Variants in TMEM108 observed in about 807,000 individuals in gnomAD.
TMEM108 encodes cancer/testis antigen 124.
Under a neutral mutation model 35.1 loss-of-function variants are expected in TMEM108, and 12 were observed. The ratio of observed to expected loss-of-function variants is 0.34; its 90% CI spans 0.22 to 0.55. The LOEUF is 0.55. Ranked by LOEUF, TMEM108 falls within the 20% of genes least tolerant of loss-of-function variation. TMEM108 has a pLI of 0.89. For synonymous variants in TMEM108, 287 were observed against 308.6 expected, an observed-to-expected ratio of 0.93 and a Z score of 0.73; for missense variants, 680 against 753.3, an observed-to-expected ratio of 0.90 and a Z score of 1.14.
intron 1 of TMEM108, among the ~76,000 whole-genome samples, chr3:133,043,663 A>G (rs1199747045): frequency 6.6e-6 from 1 of 151,966 alleles, no homozygotes; most frequent in Non-Finnish European, 1.5e-5. Flanking sequence ...TTCCCTTCTA[A>G]TTCATGACTT....
chr3:133,338,555 T>C (rs78764966), intron 3 of TMEM108, among the ~76,000 whole-genome samples: 1,897 of 152,138 alleles, frequency 0.012, 16 homozygotes, highest in South Asian at 0.024. Context: ...AAATGCTAAA[T>C]ACAGTTCTTC....
At chr3:133,159,545 G>A (rs1302788318) in intron 2 of TMEM108, among the ~76,000 whole-genome samples, 5 of 152,116 alleles carry the variant, frequency 3.3e-5, no homozygotes, top group African/African-American at 1.2e-4. Flanking sequence ...ACAGGTTTAC[G>A]TTCAGATTTA....
At chr3:133,378,953 A>G (rs1434585877) in intron 3 of TMEM108, among the ~76,000 whole-genome samples, 1 of 152,154 alleles carries the variant, frequency 6.6e-6, no homozygotes, top group Non-Finnish European at 1.5e-5. Flanking sequence ...CATTTGTAGA[A>G]GGCACCTTCT....
intron 2 of TMEM108, among the ~76,000 whole-genome samples, chr3:133,127,547 T>A (rs1259725837): frequency 6.6e-6 from 1 of 152,244 alleles, no homozygotes; most frequent in East Asian, 1.9e-4. Flanking sequence ...GTTATCTGTC[T>A]GGTAAACCAC....
intron 2 of TMEM108, among the ~76,000 whole-genome samples, chr3:133,087,745 T>C (rs1943901435): frequency 1.3e-5 from 2 of 152,272 alleles, no homozygotes; most frequent in South Asian, 4.2e-4. Context: ...ACAAGGACTG[T>C]GGCCATCTTT....
chr3:133,113,285 C>T (rs1234443971), intron 2 of TMEM108, among the ~76,000 whole-genome samples: 1 of 152,128 alleles, frequency 6.6e-6, no homozygotes, highest in Non-Finnish European at 1.5e-5. Context: ...TAGTATTTCT[C>T]ATGGATGAAA....
chr3:133,170,583 CAAAA>C (rs964719694), intron 2 of TMEM108, among the ~76,000 whole-genome samples: 2 of 151,458 alleles, frequency 1.3e-5, no homozygotes, highest in Non-Finnish European at 2.9e-5. Flanking sequence ...AGACATCATC[CAAAA>C]AAAAGCATTT....
chr3:133,250,788 T>TA (rs1247228281), intron 3 of TMEM108, among the ~76,000 whole-genome samples: 1 of 152,234 alleles, frequency 6.6e-6, no homozygotes, highest in Non-Finnish European at 1.5e-5. Context: ...GCAAATATAA[T>TA]AATTTACAAC....
chr3:133,055,756 T>C (rs1943458222), intron 2 of TMEM108, among the ~76,000 whole-genome samples: 1 of 152,200 alleles, frequency 6.6e-6, no homozygotes, highest in Non-Finnish European at 1.5e-5. Flanking sequence ...GACCCATTCC[T>C]ATCAGCACAC....
intron 3 of TMEM108, among the ~76,000 whole-genome samples, chr3:133,288,473 G>A (rs1178500408): frequency 3.9e-5 from 6 of 152,104 alleles, no homozygotes; most frequent in Non-Finnish European, 5.9e-5. Flanking sequence ...TCCATGGGGG[G>A]GTGAATAGAA....
intron 3 of TMEM108, among the ~76,000 whole-genome samples, chr3:133,307,912 T>G (rs2071067482): frequency 6.6e-6 from 1 of 152,162 alleles, no homozygotes; most frequent in Non-Finnish European, 1.5e-5. Flanking sequence ...CATTGGTAGC[T>G]TGATGAGGAT....
At chr3:133,389,262 A>T (rs1346993820) in intron 4 of TMEM108, 1 of 985,312 alleles carries the variant, frequency 1.0e-6, no homozygotes, top group African/African-American at 1.7e-5. Context: ...GGGCCCTGGG[A>T]GTCTCAGGGA....
intron 3 of TMEM108, among the ~76,000 whole-genome samples, chr3:133,281,567 A>C (rs1946912971): frequency 6.6e-6 from 1 of 152,246 alleles, no homozygotes; most frequent in Non-Finnish European, 1.5e-5. Flanking sequence ...TGGCTAAAAA[A>C]GTGATGAGCA....
chr3:133,054,495 G>C (rs748736418), intron 2 of TMEM108, among the ~76,000 whole-genome samples: 3 of 152,206 alleles, frequency 2.0e-5, no homozygotes, highest in African/African-American at 7.2e-5. Flanking sequence ...CAACAGCTGG[G>C]TTTGTAAGAC....
At chr3:133,180,638 T>C (rs1361599100) in intron 2 of TMEM108, among the ~76,000 whole-genome samples, 1 of 152,140 alleles carries the variant, frequency 6.6e-6, no homozygotes, top group African/African-American at 2.4e-5. Context: ...CTATACAATG[T>C]AAATGGTAAC....
intron 3 of TMEM108, among the ~76,000 whole-genome samples, chr3:133,267,132 G>A (rs1576422403): frequency 6.6e-6 from 1 of 151,140 alleles, no homozygotes; most frequent in East Asian, 1.9e-4. Context: ...TTGCTGTAGA[G>A]CCACCATTCT....
rs548286327 is a variant in TMEM108, at chr3:133,133,129, T to G, written c.-47+87109T>G. On this transcript the variant is annotated intron_variant, in intron 2 of 5. Coordinates refer to ENST00000321871, the MANE Select transcript of TMEM108 (RefSeq NM_023943.4). Reference sequence around the variant, plus strand: ...ACATTATTGAAATGACAACAAAGGATTTAAAATATTACATAAACTTAGTTG... The same window carrying G: ...ACATTATTGAAATGACAACAAAGGAGTTAAAATATTACATAAACTTAGTTG... Among the ~76,000 whole-genome samples the G allele has an allele frequency of 2.7e-5, 4 of 149,422 alleles. No individual in the cohort carries two copies. The South Asian group carries it at 6.4e-4, about 24-fold the overall frequency.
intron 3 of TMEM108, among the ~76,000 whole-genome samples, chr3:133,245,449 G>T (rs1368455780): frequency 6.6e-6 from 1 of 152,144 alleles, no homozygotes; most frequent in Admixed American, 6.5e-5. Context: ...ACAGCCCCAG[G>T]ACCTCCCCAC....
At chr3:133,210,370 C>A (rs1196688170) in intron 2 of TMEM108, among the ~76,000 whole-genome samples, 5 of 152,178 alleles carry the variant, frequency 3.3e-5, no homozygotes, top group Non-Finnish European at 5.9e-5. Context: ...TTCTAGTGTT[C>A]ACTCAGCATT....
Sources: gnomAD v4.1 joint callset for allele counts (sites outside exome capture counted in the v4.1 genomes callset) on GRCh38, gnomAD v4.1.1 for gene constraint, MANE v1.5 for transcripts, NCBI Gene and HGNC (gene_info 2026-07-23, HGNC 2026-07-21) for gene names.